HOATZ: variants seen among roughly 807,000 people sequenced by gnomAD.
HOATZ encodes the protein cilia- and flagella-associated protein HOATZ.
Under a neutral mutation model 24.9 loss-of-function variants are expected in HOATZ, and 26 were observed. That is an observed-to-expected ratio of 1.04 (90% CI 0.76 to 1.45). The LOEUF is 1.45. Ranked by LOEUF, HOATZ falls within the 40% of genes most tolerant of loss-of-function variation. The probability of loss-of-function intolerance (pLI) is 0.00; values close to 1 mark genes in which losing one functional copy is unlikely to be tolerated. For synonymous variants in HOATZ, 83 were observed against 76.6 expected, an observed-to-expected ratio of 1.08 and a Z score of -0.43; for missense variants, 226 against 201.5, an observed-to-expected ratio of 1.12 and a Z score of -0.74.
rs890104525 is a variant in HOATZ, at chr11:111,536,924, T to C, written c.*97T>C. 5.4e-6 allele frequency: 5 copies of C among 920,550 alleles called. No homozygotes were observed. The highest frequency in any genetic ancestry group is 4.9e-5 in the East Asian group (2 of 40,728). 57.0% of individuals were successfully genotyped at this position (920,550 alleles called of 1,614,324 possible). ...ATCATTGAGATCACTGGCAACATTA[T>C]AGTAGACAAAGAAATACAAGTTAAA... On this transcript the variant is annotated 3_prime_UTR_variant, in exon 6 of 6. Transcript: ENST00000375618.
intron 3 of HOATZ, among the ~76,000 whole-genome samples, chr11:111,530,660 T>A (rs1429476695): frequency 1.3e-5 from 2 of 152,140 alleles, no homozygotes; most frequent in Non-Finnish European, 1.5e-5. Flanking sequence ...ATTGAATAAT[T>A]ATAAAGTCTT....
intron 3 of HOATZ, among the ~76,000 whole-genome samples, chr11:111,527,755 A>G (rs1867354897): frequency 6.6e-6 from 1 of 152,240 alleles, no homozygotes; most frequent in Non-Finnish European, 1.5e-5. Flanking sequence ...TAGTAAATTC[A>G]TAGAGTAAAT....
At chr11:111,526,087 G>C (rs958438548) in intron 3 of HOATZ, among the ~76,000 whole-genome samples, 49 of 152,236 alleles carry the variant, frequency 3.2e-4, no homozygotes, top group African/African-American at 1.1e-3. Flanking sequence ...TCAGAAGGAG[G>C]TGGTGGAGGG....
intron 2 of HOATZ, 31 bp from the exon 3 acceptor site, chr11:111,516,009 T>A (rs1327267369): frequency 7.4e-7 from 1 of 1,352,512 alleles, no homozygotes; most frequent in African/African-American, 1.5e-5. Context: ...ATAAAATTAT[T>A]TCAGATTGAA....
chr11:111,530,408 CA>C (rs1350208845), intron 3 of HOATZ, among the ~76,000 whole-genome samples: 1 of 152,002 alleles, frequency 6.6e-6, no homozygotes, highest in Non-Finnish European at 1.5e-5. Context: ...TCTGAAAAGC[CA>C]AAAAGAGAGA....
chr11:111,535,619 T>G (rs1166804580), intron 5 of HOATZ: 3 of 152,234 alleles, frequency 2.0e-5, no homozygotes, highest in Non-Finnish European at 4.4e-5. Context: ...TTCATTCTAT[T>G]CTGTTGTGAT....
chr11:111,536,941 C>A lies in HOATZ; in HGVS notation c.*114C>A. On this transcript the variant is annotated 3_prime_UTR_variant, in exon 6 of 6. Transcript: ENST00000375618. The stretch of plus-strand genomic sequence containing the variant: ...CAACATTATAGTAGACAAAGAAATA[C>A]AAGTTAAATACGCAGACTTCCAGGA... 2.5e-6 allele frequency: 2 copies of A among 793,372 alleles called. No individual in the cohort carries two copies. 49.1% of individuals were successfully genotyped at this position (793,372 alleles called of 1,614,324 possible).
At position 111,525,123 on chromosome 11, in the gene HOATZ, G is replaced by A. The variant is rs564849329; in HGVS notation, c.340-8623G>A. Among the ~76,000 whole-genome samples the A allele has an allele frequency of 1.4e-3, 210 of 151,952 alleles. 1 individual carries two copies. Among genetic ancestry groups the A allele is most frequent in the African/African-American group, 4.4e-3 (182 of 41,408 alleles). The stretch of plus-strand genomic sequence containing the variant: ...TGAGCTCAAGCGATTTGCCCACCTC[G>A]GCCTCCCAAAGTGCTGGGATTACAG... On this transcript the variant is annotated intron_variant, in intron 3 of 5. Coordinates refer to ENST00000375618, the MANE Select transcript of HOATZ (RefSeq NM_001100388.2).
At chr11:111,515,386 T>C in intron 1 of HOATZ, 125 bp from the exon 2 acceptor site, 1 of 733,754 alleles carries the variant, frequency 1.4e-6, no homozygotes, top group Non-Finnish European at 2.4e-6. Flanking sequence ...CCTGGACCTG[T>C]GAGCCCTTAG....
At position 111,534,401 on chromosome 11, in the gene HOATZ, T is replaced by C; in HGVS notation, c.400-11T>C. 4 of 1,603,816 alleles carry C rather than the reference T, an allele frequency of 2.5e-6. No individual in the cohort carries two copies. Among genetic ancestry groups the C allele is most frequent in the Middle Eastern group, 3.3e-4 (2 of 6,026 alleles). On this transcript the variant is annotated splice_polypyrimidine_tract_variant and intron_variant, in intron 4 of 5. Coordinates refer to ENST00000375618, the MANE Select transcript of HOATZ (RefSeq NM_001100388.2). Reference sequence around the variant, plus strand: ...TTTTACCTTTTTGATTTTTATTTTGTTTTGTTTCAGAAAGAACTGATTTCC... The same window carrying C: ...TTTTACCTTTTTGATTTTTATTTTGCTTTGTTTCAGAAAGAACTGATTTCC...
At chr11:111,528,582 C>T (rs1867363227) in intron 3 of HOATZ, among the ~76,000 whole-genome samples, 1 of 152,144 alleles carries the variant, frequency 6.6e-6, no homozygotes, top group African/African-American at 2.4e-5. Context: ...ACCCTTTAGC[C>T]ACATCTTGCA....
chr11:111,514,905 T>C lies in HOATZ; in HGVS notation c.121T>C (p.Trp41Arg), dbSNP rs746465658. 9.6e-5 allele frequency: 155 copies of C among 1,614,054 alleles called. No homozygotes were observed. The highest frequency in any genetic ancestry group is 1.3e-4 in the Non-Finnish European group (153 of 1,180,034). Residue 41 changes from tryptophan to arginine, a missense_variant, in exon 1 of 6, where the codon TGG (tryptophan) becomes CGG (arginine). Trp to Arg is a moderately radical substitution (Grantham distance 101). Coordinates refer to ENST00000375618, the MANE Select transcript of HOATZ (RefSeq NM_001100388.2). Reference sequence around the variant, plus strand: ...AGATGCCAACTTGGCTAAGCAGTTCTGGATCTCGGCGTCGATGTATCCCCC... The same window carrying C: ...AGATGCCAACTTGGCTAAGCAGTTCCGGATCTCGGCGTCGATGTATCCCCC... ...EQDANLAKQF[W>R]ISASMYPPSE...
chr11:111,534,663 T>C, intron 5 of HOATZ, 199 bp downstream of exon 5: 1 of 575,972 alleles, frequency 1.7e-6, no homozygotes, highest in East Asian at 2.9e-5. Flanking sequence ...CTGTGGAATA[T>C]GCAAGCATAA....
At chr11:111,525,120 C>G (rs1034341632) in intron 3 of HOATZ, among the ~76,000 whole-genome samples, 2 of 152,122 alleles carry the variant, frequency 1.3e-5, no homozygotes, top group African/African-American at 4.8e-5. Flanking sequence ...ATTTGCCCAC[C>G]TCGGCCTCCC....
At chr11:111,519,093 C>A (rs1867239540) in intron 3 of HOATZ, 1 of 453,282 alleles carries the variant, frequency 2.2e-6, no homozygotes, top group Non-Finnish European at 4.4e-6. Flanking sequence ...TTTGTGTGAC[C>A]TTGAGCAAGT....
intron 3 of HOATZ, among the ~76,000 whole-genome samples, chr11:111,521,993 CAA>C (rs1296101753): frequency 6.6e-6 from 1 of 151,904 alleles, no homozygotes; most frequent in East Asian, 1.9e-4. Context: ...CCCTGCTCTG[CAA>C]AGAGTAGGAA....
intron 3 of HOATZ, among the ~76,000 whole-genome samples, chr11:111,528,886 C>T (rs1339800134): frequency 6.6e-6 from 1 of 152,132 alleles, no homozygotes; most frequent in African/African-American, 2.4e-5. Context: ...AAAAGAAGCA[C>T]AGGAAATGAC....
intron 3 of HOATZ, among the ~76,000 whole-genome samples, chr11:111,528,107 A>G (rs1418853154): frequency 6.6e-6 from 1 of 151,774 alleles, no homozygotes; most frequent in African/African-American, 2.4e-5. Flanking sequence ...GACTGGCTTG[A>G]GCCCAGGAGT....
At chr11:111,516,181 T>G (rs527437968) in intron 3 of HOATZ, 71 bp downstream of exon 3, 1 of 952,382 alleles carries the variant, frequency 1.0e-6, no homozygotes. Flanking sequence ...TTTAAACACA[T>G]GTATATTTAA....
Sources: allele counts gnomAD v4.1 joint callset (sites outside exome capture counted in the v4.1 genomes callset), GRCh38; gene constraint gnomAD v4.1.1; transcripts MANE v1.5; gene names NCBI Gene and HGNC (gene_info 2026-07-23, HGNC 2026-07-21).